CSMD1: variants seen among roughly 807,000 people sequenced by gnomAD.
The protein encoded by CSMD1 is CUB and sushi domain-containing protein 1.
A neutral mutation model predicts 417.5 loss-of-function variants in CSMD1; 213 were observed. That is an observed-to-expected ratio of 0.51 (90% CI 0.46 to 0.57). The LOEUF is 0.57. Ranked by LOEUF, CSMD1 falls within the 20% of genes least tolerant of loss-of-function variation. The pLI, the probability that CSMD1 is intolerant of heterozygous loss-of-function variation, is 0.00. For missense variants in CSMD1, 6,923 were observed against 4,529.7 expected, an observed-to-expected ratio of 1.53 and a Z score of -15.17; for synonymous variants, 2,862 against 1,736.8, an observed-to-expected ratio of 1.65 and a Z score of -16.11.
chr8:3,949,732 G>A (rs1215978623), intron 5 of CSMD1, among the ~76,000 whole-genome samples: 3 of 152,094 alleles, frequency 2.0e-5, no homozygotes, highest in African/African-American at 7.2e-5. Context: ...GAGCAATGGG[G>A]ACTTGATCCC....
intron 19 of CSMD1, among the ~76,000 whole-genome samples, chr8:3,368,663 C>T (rs548156992): frequency 2.6e-5 from 4 of 152,196 alleles, no homozygotes; most frequent in South Asian, 2.1e-4. Context: ...AAAGATGACA[C>T]GTTTAGTCAC....
intron 7 of CSMD1, among the ~76,000 whole-genome samples, chr8:3,677,511 T>A (rs1251758174): frequency 6.6e-6 from 1 of 152,146 alleles, no homozygotes; most frequent in Non-Finnish European, 1.5e-5. Context: ...ACACAGGGAA[T>A]GCCCAGGTGT....
chr8:3,565,131 C>CAAAAAAAAAAAAAA lies in CSMD1; in HGVS notation c.1344+9800_1344+9813dup, dbSNP rs869248314. Among the ~76,000 whole-genome samples, 13 of 10,448 alleles carry CAAAAAAAAAAAAAA rather than the reference C, an allele frequency of 1.2e-3. 1 individual carries two copies. The highest frequency in any genetic ancestry group is 7.2e-3 in the South Asian group (1 of 138). The allele number at this position is 10,448 out of a possible 152,430, so 6.9% of individuals were successfully genotyped here. A position where few individuals can be genotyped will look rare whatever the true frequency, so the allele number is the denominator to read the frequency against. ...TACTTAACTCTGTAGTGCAAGACAG[C>CAAAAAAAAAAAAAA]AAAAAAAAAAAAAAAAAAAAAAAAA... On this transcript the variant is annotated intron_variant, in intron 10 of 69. Transcript: ENST00000635120.
Position 4,155,200 on chromosome 8 carries a change from G to A in CSMD1, c.416-123101C>T, listed in dbSNP as rs747435612. Among the ~76,000 whole-genome samples the A allele has an allele frequency of 3.4e-4, 52 of 152,196 alleles. 1 individual carries two copies. The highest frequency in any genetic ancestry group is 1.2e-4 in the Non-Finnish European group (8 of 68,038). On this transcript the variant is annotated intron_variant, in intron 3 of 69. Transcript: ENST00000635120. The stretch of plus-strand genomic sequence containing the variant: ...ATTTGCCCAGGATTGTCCTTTTGCA[G>A]TTTGTAACAGAGCCAGATGACTGGG...
At chr8:3,186,075 C>T (rs1454993964) in intron 36 of CSMD1, among the ~76,000 whole-genome samples, 3 of 149,028 alleles carry the variant, frequency 2.0e-5, no homozygotes, top group Non-Finnish European at 4.4e-5. Flanking sequence ...CCTCCTGTAA[C>T]ACCCATCACC....
rs538015544 is a variant in CSMD1 at position 4,039,632 on chromosome 8, A to G, written c.416-7533T>C. ...AGGATGAGGAATGACAGTGAAAGAG[A>G]AGGACCTCATGGGACGTAATCAGAA... On this transcript the variant is annotated intron_variant, in intron 3 of 69. Coordinates refer to ENST00000635120, the MANE Select transcript of CSMD1 (RefSeq NM_033225.6). 3.9e-5 allele frequency among the ~76,000 whole-genome samples: 6 copies of G among 152,296 alleles called. 1 individual carries two copies. Among genetic ancestry groups the G allele is most frequent in the Non-Finnish European group, 8.8e-5 (6 of 68,034 alleles).
At chr8:3,348,209 C>A (rs1163988732) in intron 21 of CSMD1, 48 bp from the exon 22 acceptor site, 2 of 1,468,816 alleles carry the variant, frequency 1.4e-6, no homozygotes, top group African/African-American at 1.4e-5. Flanking sequence ...AGTGGAATTA[C>A]TGTTTTTAAC....
chr8:4,761,668 T>C (rs1812078149), intron 1 of CSMD1, among the ~76,000 whole-genome samples: 1 of 152,120 alleles, frequency 6.6e-6, no homozygotes, highest in African/African-American at 2.4e-5. Context: ...ACTACCTTTA[T>C]TAAAATAATT....
chr8:4,329,747 C>T (rs1799763022), intron 3 of CSMD1, among the ~76,000 whole-genome samples: 1 of 151,970 alleles, frequency 6.6e-6, no homozygotes, highest in Non-Finnish European at 1.5e-5. Context: ...GGAGCAGATT[C>T]CTCAAGAATG....
intron 10 of CSMD1, among the ~76,000 whole-genome samples, chr8:3,551,578 GTATATATA>G (rs55961739): frequency 8.5e-6 from 1 of 117,696 alleles, no homozygotes; most frequent in African/African-American, 3.2e-5. Context: ...TAATAAATAT[GTATATATA>G]TATATATATA....
At chr8:3,880,434 G>T (rs145208702) in intron 5 of CSMD1, among the ~76,000 whole-genome samples, 36 of 152,282 alleles carry the variant, frequency 2.4e-4, no homozygotes, top group African/African-American at 6.7e-4. Context: ...GGATTTGAGT[G>T]ATATTTATGT....
Position 3,199,813 on chromosome 8 carries a change from G to C in CSMD1, c.5099-4C>G, listed in dbSNP as rs1268022095. The C allele has an allele frequency of 1.9e-6, 3 of 1,558,968 alleles. No homozygotes were observed. The highest frequency in any genetic ancestry group is 1.9e-5 in the Admixed American group (1 of 52,398). On this transcript the variant is annotated splice_polypyrimidine_tract_variant and splice_region_variant and intron_variant, in intron 32 of 69. Transcript: ENST00000635120. ...GTAGCCAAGGGCAATGTTTCCCCTA[G>C]AAACGAAAACAGAGACAGATTCAGA...
chr8:4,981,467 T>C (rs1370460631), intron 1 of CSMD1, among the ~76,000 whole-genome samples: 1 of 152,240 alleles, frequency 6.6e-6, no homozygotes, highest in Non-Finnish European at 1.5e-5. Context: ...CAAAACCTGA[T>C]ATCATCAATT....
intron 6 of CSMD1, among the ~76,000 whole-genome samples, chr8:3,722,363 G>C (rs1802232240): frequency 6.6e-6 from 1 of 152,128 alleles, no homozygotes; most frequent in African/African-American, 2.4e-5. Context: ...CTAAGACGAA[G>C]TTGAGGGTCA....
At chr8:4,789,467 G>T (rs148364380) in intron 1 of CSMD1, among the ~76,000 whole-genome samples, 1 of 151,978 alleles carries the variant, frequency 6.6e-6, no homozygotes, top group Admixed American at 6.6e-5. Context: ...GCATTTAAAC[G>T]CCTGGCACCT....
chr8:4,582,913 A>G (rs1019528056), intron 2 of CSMD1, among the ~76,000 whole-genome samples: 6 of 152,140 alleles, frequency 3.9e-5, no homozygotes, highest in Admixed American at 6.5e-5. Flanking sequence ...GGCTGGCCCC[A>G]CACTCGGAGC....
intron 10 of CSMD1, among the ~76,000 whole-genome samples, chr8:3,549,525 T>TTGGATGGATAAATTCATTCATGGA (rs1798820386): frequency 6.6e-6 from 1 of 152,196 alleles, no homozygotes; most frequent in Non-Finnish European, 1.5e-5. Context: ...CTCTCCTTTC[T>TTGGATGGATAAATTCATTCATGGA]TGGATGGATA....
Position 3,189,026 on chromosome 8 carries a change from C to CATATGTCATGA in CSMD1, c.5399-26_5399-16dup, listed in dbSNP as rs768494511. 30 of 1,604,304 alleles carry CATATGTCATGA rather than the reference C, an allele frequency of 1.9e-5. No homozygotes were observed. The highest frequency in any genetic ancestry group is 2.6e-5 in the Non-Finnish European group (30 of 1,174,588). On this transcript the variant is annotated splice_polypyrimidine_tract_variant and intron_variant, in intron 34 of 69. Transcript: ENST00000635120. ...ACTGCAGGGTACTAAAAGACACAAC[C>CATATGTCATGA]ATATGTCATGAAATAAAGTGCTGTG...
In CSMD1 at chr8:3,087,297, C is replaced by A; in HGVS notation, c.7286-12G>T. ...ACTGCAGTAAGGTGCTGTGGGCAGA[C>A]AGACACACACAGAAATAAGTCAACA... On this transcript the variant is annotated splice_polypyrimidine_tract_variant and intron_variant, in intron 48 of 69. Coordinates refer to ENST00000635120, the MANE Select transcript of CSMD1 (RefSeq NM_033225.6). 3 of 1,610,800 alleles carry A rather than the reference C, an allele frequency of 1.9e-6. No homozygotes were observed. Among genetic ancestry groups the A allele is most frequent in the South Asian group, 1.1e-5 (1 of 90,992 alleles).
Sources: gnomAD v4.1 joint callset for allele counts (sites outside exome capture counted in the v4.1 genomes callset) on GRCh38, gnomAD v4.1.1 for gene constraint, MANE v1.5 for transcripts, NCBI Gene and HGNC (gene_info 2026-07-23, HGNC 2026-07-21) for gene names.